The following ECT2L variants were observed in gnomAD, a reference collection of about 807,000 sequenced individuals.
The protein encoded by ECT2L is epithelial cell-transforming sequence 2 oncogene-like.
ECT2L carries 126 observed loss-of-function variants against 122.8 expected under a neutral mutation model. That is an observed-to-expected ratio of 1.03 (90% CI 0.89 to 1.19). The LOEUF is 1.19. ECT2L is among the 50% of genes most tolerant of loss of function. The probability of loss-of-function intolerance (pLI) is 0.00; values close to 1 mark genes in which losing one functional copy is unlikely to be tolerated. For synonymous variants in ECT2L, 385 were observed against 381.8 expected, an observed-to-expected ratio of 1.01 and a Z score of -0.10; for missense variants, 1,012 against 1,064.1, an observed-to-expected ratio of 0.95 and a Z score of 0.68.
At chr6:138,865,471 G>GAGCT (rs1320442769) in intron 12 of ECT2L, among the ~76,000 whole-genome samples, 3 of 152,172 alleles carry the variant, frequency 2.0e-5, no homozygotes, top group Non-Finnish European at 4.4e-5. Flanking sequence ...CTAAGCCAGA[G>GAGCT]AGCTGTGCAC....
chr6:138,862,672 C>A lies in ECT2L; in HGVS notation c.1244C>A (p.Thr415Lys), dbSNP rs777238666. 3.7e-6 allele frequency: 6 copies of A among 1,614,058 alleles called. No individual in the cohort carries two copies. Among genetic ancestry groups the A allele is most frequent in the Non-Finnish European group, 5.1e-6 (6 of 1,180,012 alleles). ...VLSQLSQLTGTFFTAPTGIAT... is the reference protein window; with the variant it reads ...VLSQLSQLTGKFFTAPTGIAT... ...TCCCAGCTGTCTCAACTAACTGGCA[C>A]GTTCTTTACGGCCCCCACTGGGATT... Residue 415 changes from threonine (T) to lysine (K), a missense_variant, in exon 11 of 22, where the codon ACG (threonine) becomes AAG (lysine). By Grantham distance (78) the Thr-to-Lys change is moderately conservative (BLOSUM62 -1). Coordinates refer to ENST00000541398, the MANE Select transcript of ECT2L (RefSeq NM_001077706.3).
chr6:138,806,462 C>T (rs1365415955), intron 1 of ECT2L, among the ~76,000 whole-genome samples: 3 of 148,224 alleles, frequency 2.0e-5, no homozygotes, highest in South Asian at 2.1e-4. Flanking sequence ...GACCCTTGAC[C>T]AATGTGGGAG....
chr6:138,882,720 ACAGG>A lies in ECT2L; in HGVS notation c.1881_1884del (p.Arg627SerfsTer3). On this transcript the variant is annotated splice_acceptor_variant and splice_polypyrimidine_tract_variant and coding_sequence_variant and intron_variant, in exon 16 of 22. Transcript: ENST00000541398. LOFTEE classifies it high-confidence loss of function. ...TTCATGCTTATGCTCTTCTCATACC[ACAGG>A]CAGTTTCTAGATAACCTGAGAGACA... 6.2e-7 allele frequency: 1 copy of A among 1,613,732 alleles called. No individual in the cohort carries two copies. Among genetic ancestry groups the A allele is most frequent in the Non-Finnish European group, 8.5e-7 (1 of 1,179,892 alleles).
At position 138,843,023 on chromosome 6, in the gene ECT2L, G is replaced by C. The variant is rs376689114; in HGVS notation, c.387G>C (p.Leu129=). ...AATGCGTTAAGTTCGGATGGTTTCT[G>C]CCCTATACTCCAACAGATAATGAGT... is the stretch of plus-strand genomic sequence containing the variant. The part of the protein sequence containing the change: ...MPKCVKFGWF[L]PYTPTDNEYG... The change falls in exon 6 of 22, where the codon CTG becomes CTC. Residue 129 remains leucine (L), a synonymous_variant. Coordinates refer to ENST00000541398, the MANE Select transcript of ECT2L (RefSeq NM_001077706.3). The C allele has an allele frequency of 1.1e-5, 17 of 1,605,874 alleles. No homozygotes were observed. In the African/African-American group the frequency reaches 2.0e-4, roughly 19 times the overall value.
At chr6:138,888,122 T>C (rs1325192239) in intron 19 of ECT2L, among the ~76,000 whole-genome samples, 1 of 152,142 alleles carries the variant, frequency 6.6e-6, no homozygotes, top group Admixed American at 6.6e-5. Context: ...TGTTTTGTCA[T>C]AATTTTGGTC....
chr6:138,891,276 T>A (rs910068131), intron 20 of ECT2L, among the ~76,000 whole-genome samples: 2 of 152,260 alleles, frequency 1.3e-5, no homozygotes, highest in African/African-American at 4.8e-5. Flanking sequence ...ATATATTTAT[T>A]TGACATGTTT....
At chr6:138,847,052 G>A (rs988686354) in intron 8 of ECT2L, among the ~76,000 whole-genome samples, 6 of 150,100 alleles carry the variant, frequency 4.0e-5, no homozygotes, top group African/African-American at 1.5e-4. Context: ...TGGATCACCT[G>A]AGGTCAGGAG....
At chr6:138,808,661 TAATA>T (rs1452639718) in intron 1 of ECT2L, among the ~76,000 whole-genome samples, 1 of 152,180 alleles carries the variant, frequency 6.6e-6, no homozygotes, top group African/African-American at 2.4e-5. Context: ...GTAGATTCTT[TAATA>T]TTTTTCTACA....
At position 138,843,173 on chromosome 6, in the gene ECT2L, G is replaced by A. The variant is rs568706654; in HGVS notation, c.537G>A (p.Glu179=). Residue 179 remains glutamate (E), a synonymous_variant, in exon 6 of 22, where the codon GAG becomes GAA. Transcript: ENST00000541398. ...AAACAGAAGATGAGGAACTACTGGA[G>A]AGACAAAGAGAAAAGTGCCTGAGGA... ...EPKTEDEELL[E]RQREKCLRKR... The A allele has an allele frequency of 1.2e-6, 2 of 1,613,156 alleles. No homozygotes were observed. Among genetic ancestry groups the A allele is most frequent in the South Asian group, 2.2e-5 (2 of 90,944 alleles).
chr6:138,841,130 A>T (rs1178761099), intron 5 of ECT2L, among the ~76,000 whole-genome samples: 2 of 152,236 alleles, frequency 1.3e-5, no homozygotes, highest in East Asian at 3.9e-4. Context: ...AAAATTTTCT[A>T]CCTAGTCATT....
At chr6:138,834,551 G>C (rs1243738455) in intron 4 of ECT2L, among the ~76,000 whole-genome samples, 1 of 152,056 alleles carries the variant, frequency 6.6e-6, no homozygotes, top group East Asian at 1.9e-4. Context: ...AAAATCTAAA[G>C]ATACTGAGAC....
intron 1 of ECT2L, among the ~76,000 whole-genome samples, chr6:138,803,448 G>A (rs553831221): frequency 4.8e-4 from 73 of 152,226 alleles, no homozygotes; most frequent in Non-Finnish European, 7.2e-4. Context: ...CCTTAACACA[G>A]AGTATAATAA....
chr6:138,802,013 C>A (rs1423911124), intron 1 of ECT2L, among the ~76,000 whole-genome samples: 1 of 152,216 alleles, frequency 6.6e-6, no homozygotes, highest in African/African-American at 2.4e-5. Context: ...CTTGTCACTT[C>A]TGAGGTTACG....
chr6:138,890,749 T>G (rs1009007382), intron 20 of ECT2L, among the ~76,000 whole-genome samples: 15 of 152,238 alleles, frequency 9.9e-5, no homozygotes, highest in Non-Finnish European at 1.5e-4. Flanking sequence ...TAACATTTCT[T>G]AATGTTCTAC....
rs757954383 is a variant in ECT2L at position 138,882,774 on chromosome 6, A to G, written c.1931A>G (p.His644Arg). 6.8e-6 allele frequency: 11 copies of G among 1,614,198 alleles called. No homozygotes were observed. The highest frequency in any genetic ancestry group is 1.3e-5 in the African/African-American group (1 of 75,056). Reference sequence around the variant, plus strand: ...AGACTGCAGGAATGGGGCCCAGCTCACTGTGTGGGAGAAATAGTCACGAAG... The same window carrying G: ...AGACTGCAGGAATGGGGCCCAGCTCGCTGTGTGGGAGAAATAGTCACGAAG... ...RDRLQEWGPA[H>R]CVGEIVTKFG... Residue 644 changes from histidine to arginine, a missense_variant, in exon 16 of 22, where the codon CAC (histidine) becomes CGC (arginine). Physicochemically the swap from His to Arg is conservative, Grantham distance 29 (BLOSUM62 0). Coordinates refer to ENST00000541398, the MANE Select transcript of ECT2L (RefSeq NM_001077706.3).
rs371099909 is a variant in ECT2L, at chr6:138,903,989, A to C, written c.*1362A>C. ...AAATCTTCTATTTCTTAAAACTTTA[A>C]ATCTTGTTAAAAAGATGAACAAAAG... On this transcript the variant is annotated 3_prime_UTR_variant, in exon 22 of 22. Transcript: ENST00000541398. 92 of 152,284 alleles carry C rather than the reference A, an allele frequency of 6.0e-4. No homozygotes were observed. Among genetic ancestry groups the C allele is most frequent in the African/African-American group, 2.2e-3 (91 of 41,562 alleles). 9.4% of individuals were successfully genotyped at this position (152,284 alleles called of 1,614,324 possible). A position where few individuals can be genotyped will look rare whatever the true frequency, so the allele number is the denominator to read the frequency against.
chr6:138,863,581 C>T (rs1296024483), intron 11 of ECT2L, among the ~76,000 whole-genome samples: 1 of 151,856 alleles, frequency 6.6e-6, no homozygotes, highest in African/African-American at 2.4e-5. Context: ...AGGGTATGAA[C>T]GCTGTTGCTG....
intron 5 of ECT2L, among the ~76,000 whole-genome samples, chr6:138,839,510 T>A (rs1045009134): frequency 1.3e-5 from 2 of 151,990 alleles, no homozygotes; most frequent in African/African-American, 4.8e-5. Flanking sequence ...ACTATAGACA[T>A]GCACTACCAC....
At chr6:138,896,048 T>C (rs893808229) in intron 20 of ECT2L, among the ~76,000 whole-genome samples, 11 of 148,426 alleles carry the variant, frequency 7.4e-5, no homozygotes, top group African/African-American at 2.8e-4. Context: ...CCTTGGAACT[T>C]CTGTATTATC....
Sources: allele counts gnomAD v4.1 joint callset (sites outside exome capture counted in the v4.1 genomes callset), GRCh38; gene constraint gnomAD v4.1.1; transcripts MANE v1.5; gene names NCBI Gene and HGNC (gene_info 2026-07-23, HGNC 2026-07-21).